AFG2A: variants seen among roughly 807,000 people sequenced by gnomAD.
The protein encoded by AFG2A is AAA ATPase AFG2A.
chr4:123,084,818 A>T, the AFG2A span, among the ~76,000 whole-genome samples: 5 of 151,848 alleles, frequency 3.3e-5, no homozygotes, highest in Admixed American at 2.6e-4. Flanking sequence ...TTTTATGGAG[A>T]TGGGGTCTCA....
chr4:123,139,415 C>A, the AFG2A span, among the ~76,000 whole-genome samples: 1 of 151,862 alleles, frequency 6.6e-6, no homozygotes. Flanking sequence ...TTTATTTTTT[C>A]TTTCTTTCTG....
the AFG2A span, among the ~76,000 whole-genome samples, chr4:122,999,494 A>G: frequency 6.6e-6 from 1 of 152,128 alleles, no homozygotes; most frequent in Non-Finnish European, 1.5e-5. Flanking sequence ...TATAAGGTGT[A>G]AGGAAGGGAT....
the AFG2A span, among the ~76,000 whole-genome samples, chr4:123,080,265 C>T: frequency 6.6e-6 from 1 of 152,214 alleles, no homozygotes; most frequent in Admixed American, 6.5e-5. Context: ...AGAGAGCTAG[C>T]GCTCTCTCAA....
the AFG2A span, among the ~76,000 whole-genome samples, chr4:123,095,089 A>G: frequency 4.2e-5 from 6 of 142,538 alleles, no homozygotes; most frequent in South Asian, 4.4e-4. Context: ...GTGTATATAT[A>G]TATATATATA....
At chr4:123,004,294 G>A in the AFG2A span, among the ~76,000 whole-genome samples, 1 of 152,174 alleles carries the variant, frequency 6.6e-6, no homozygotes, top group African/African-American at 2.4e-5. Flanking sequence ...GCTTCGGCCG[G>A]CACACGGTGC....
the AFG2A span, among the ~76,000 whole-genome samples, chr4:123,195,650 G>A: frequency 6.6e-6 from 1 of 152,064 alleles, no homozygotes; most frequent in Non-Finnish European, 1.5e-5. Context: ...ACAAAACAAA[G>A]CCCAGATAAC....
At chr4:123,028,729 A>G in the AFG2A span, among the ~76,000 whole-genome samples, 1 of 152,168 alleles carries the variant, frequency 6.6e-6, no homozygotes, top group Non-Finnish European at 1.5e-5. Flanking sequence ...CAGGACTTAA[A>G]GATAAACATG....
At chr4:123,146,835 T>A in the AFG2A span, among the ~76,000 whole-genome samples, 2 of 152,164 alleles carry the variant, frequency 1.3e-5, no homozygotes, top group African/African-American at 4.8e-5. Flanking sequence ...CGCACAGGGT[T>A]TGAGTTCGTT....
At chr4:123,140,453 C>T in the AFG2A span, among the ~76,000 whole-genome samples, 1 of 150,474 alleles carries the variant, frequency 6.6e-6, no homozygotes, top group Non-Finnish European at 1.5e-5. Context: ...TGAGTCAATG[C>T]TTCACACCTG....
the AFG2A span, among the ~76,000 whole-genome samples, chr4:123,003,657 C>T: frequency 2.0e-5 from 3 of 151,968 alleles, no homozygotes. Context: ...TCTGATCATC[C>T]CTCTGGAAGT....
At chr4:123,198,163 G>A in the AFG2A span, among the ~76,000 whole-genome samples, 5 of 151,946 alleles carry the variant, frequency 3.3e-5, no homozygotes, top group Middle Eastern at 6.8e-3. Flanking sequence ...CAGCTACTCA[G>A]AAGGCTGAGG....
chr4:122,950,332 C>A, the AFG2A span, among the ~76,000 whole-genome samples: 1 of 139,558 alleles, frequency 7.2e-6, no homozygotes, highest in African/African-American at 2.6e-5. Flanking sequence ...GAGCCCTAGT[C>A]ATTGTTAATT....
the AFG2A span, among the ~76,000 whole-genome samples, chr4:123,224,457 G>A: frequency 1.2e-4 from 18 of 151,918 alleles, no homozygotes; most frequent in African/African-American, 2.2e-4. Flanking sequence ...GAGAACATGC[G>A]GTGTTTGGTT....
chr4:123,116,792 G>A, the AFG2A span, among the ~76,000 whole-genome samples: 1 of 152,134 alleles, frequency 6.6e-6, no homozygotes, highest in Non-Finnish European at 1.5e-5. Context: ...GAGACAATAT[G>A]GTGATCTTGT....
the AFG2A span, among the ~76,000 whole-genome samples, chr4:122,991,448 C>T: frequency 6.6e-6 from 1 of 152,330 alleles, no homozygotes; most frequent in Non-Finnish European, 1.5e-5. Flanking sequence ...CTGCCAATTA[C>T]CAGACATGTG....
At chr4:122,926,320 ATAT>A in the AFG2A span, among the ~76,000 whole-genome samples, 1 of 152,228 alleles carries the variant, frequency 6.6e-6, no homozygotes, top group Admixed American at 6.5e-5. Context: ...CAGGAACTGA[ATAT>A]TATGAGATCA....
the AFG2A span, among the ~76,000 whole-genome samples, chr4:123,061,905 C>T: frequency 6.6e-6 from 1 of 152,060 alleles, no homozygotes; most frequent in African/African-American, 2.4e-5. Context: ...TGGTTTTGGA[C>T]CCTAAAAAGG....
chr4:122,955,380 C>A, the AFG2A span, among the ~76,000 whole-genome samples: 1 of 152,154 alleles, frequency 6.6e-6, no homozygotes, highest in African/African-American at 2.4e-5. Flanking sequence ...ATGGCCTAAT[C>A]GCCTCCCAGT....
At chr4:123,020,638 A>G in the AFG2A span, among the ~76,000 whole-genome samples, 10 of 152,150 alleles carry the variant, frequency 6.6e-5, no homozygotes, top group Non-Finnish European at 1.2e-4. Flanking sequence ...ATGTATTAAA[A>G]TCTTTATATT....
Sources: allele counts gnomAD v4.1 joint callset (sites outside exome capture counted in the v4.1 genomes callset), GRCh38; gene constraint gnomAD v4.1.1; transcripts MANE v1.5; gene names NCBI Gene and HGNC (gene_info 2026-07-23, HGNC 2026-07-21).